The following TYW1 variants were observed in gnomAD, a reference collection of about 807,000 sequenced individuals.
TYW1 encodes the protein S-adenosyl-L-methionine-dependent tRNA 4-demethylwyosine synthase TYW1.
A neutral mutation model predicts 96.2 loss-of-function variants in TYW1; 46 were observed. The observed-to-expected ratio is 0.48, with a 90% confidence interval of 0.38 to 0.61. TYW1 has a LOEUF of 0.61. Among genes scored for constraint, TYW1 ranks in the 20% least tolerant of loss-of-function variants. The pLI, the probability that TYW1 is intolerant of heterozygous loss-of-function variation, is 0.00. For synonymous variants in TYW1, 274 were observed against 323.0 expected, an observed-to-expected ratio of 0.85 and a Z score of 1.63; for missense variants, 684 against 909.6, an observed-to-expected ratio of 0.75 and a Z score of 3.19.
At chr7:67,062,492 C>A (rs1795723922) in intron 9 of TYW1, among the ~76,000 whole-genome samples, 1 of 150,290 alleles carries the variant, frequency 6.7e-6, no homozygotes. Flanking sequence ...TCTGCAATCA[C>A]CCAGATGTAG....
Position 67,083,279 on chromosome 7 carries a change from T to C in TYW1, c.1275-151T>C, listed in dbSNP as rs1047149548. 10 of 660,608 alleles carry C rather than the reference T, an allele frequency of 1.5e-5. No individual in the cohort carries two copies. The African/African-American group carries it at 1.8e-4, about 12-fold the overall frequency. 40.9% of individuals were successfully genotyped at this position (660,608 alleles called of 1,614,324 possible). A position where few individuals can be genotyped will look rare whatever the true frequency, so the allele number is the denominator to read the frequency against. On this transcript the variant is annotated intron_variant, in intron 10 of 15. Coordinates refer to ENST00000359626, the MANE Select transcript of TYW1 (RefSeq NM_018264.4). ...CTCTGTTGGGTGTCATGATTTAAAATAAGTTGGAAAATACCACTATACATG... is the reference window on the plus strand; with the variant it reads ...CTCTGTTGGGTGTCATGATTTAAAACAAGTTGGAAAATACCACTATACATG...
At position 67,113,389 on chromosome 7, in the gene TYW1, C is replaced by G. The variant is rs376139657; in HGVS notation, c.1563-4094C>G. ...TAAGTTCAGAATTTCTTCCTGAGGA[C>G]TTGTTGTTTTGGCTTCTCTTAGGAC... is the stretch of plus-strand genomic sequence containing the variant. On this transcript the variant is annotated intron_variant, in intron 12 of 15. Transcript: ENST00000359626. 5.6e-4 allele frequency among the ~76,000 whole-genome samples: 86 copies of G among 152,308 alleles called. 1 individual carries two copies. The highest frequency in any genetic ancestry group is 4.3e-3 in the South Asian group (21 of 4,832).
intron 15 of TYW1, among the ~76,000 whole-genome samples, chr7:67,228,238 A>T (rs769616577): frequency 9.2e-5 from 14 of 152,234 alleles, no homozygotes; most frequent in Non-Finnish European, 2.1e-4. Context: ...ATGGACTCAC[A>T]GTTCACGTGG....
rs182109305 is a variant in TYW1 at position 67,129,225 on chromosome 7, C to T, written c.1698+11607C>T. Among the ~76,000 whole-genome samples, 130 of 152,338 alleles carry T rather than the reference C, an allele frequency of 8.5e-4. 2 individuals are homozygous for T. In the East Asian group the frequency reaches 0.022, roughly 26 times the overall value. On this transcript the variant is annotated intron_variant, in intron 13 of 15. Coordinates refer to ENST00000359626, the MANE Select transcript of TYW1 (RefSeq NM_018264.4). ...CTGGTTAAATCGTTTCTCCTGGGAG[C>T]AGACCTTGTTATCAACAGAATGCTC...
chr7:67,128,877 CG>C (rs1797982967), intron 13 of TYW1, among the ~76,000 whole-genome samples: 2 of 152,052 alleles, frequency 1.3e-5, no homozygotes, highest in Non-Finnish European at 2.9e-5. Flanking sequence ...TTACTAGATA[CG>C]GGGTTTTACC....
At chr7:67,106,018 C>T (rs1033591547) in intron 12 of TYW1, among the ~76,000 whole-genome samples, 1 of 151,146 alleles carries the variant, frequency 6.6e-6, no homozygotes, top group Admixed American at 6.6e-5. Context: ...CTGCCTCAGC[C>T]TCCCAGGTAG....
intron 13 of TYW1, among the ~76,000 whole-genome samples, chr7:67,158,721 C>T (rs965182145): frequency 6.6e-6 from 1 of 152,128 alleles, no homozygotes; most frequent in East Asian, 1.9e-4. Context: ...AGGTGCTCGC[C>T]ACCACGCCTG....
chr7:67,025,861 G>A (rs1436790207), intron 7 of TYW1, among the ~76,000 whole-genome samples: 2 of 151,336 alleles, frequency 1.3e-5, no homozygotes, highest in African/African-American at 4.9e-5. Flanking sequence ...TAGTCCATAA[G>A]CCTTAAAAAA....
intron 13 of TYW1, among the ~76,000 whole-genome samples, chr7:67,143,610 C>G (rs1250227202): frequency 6.6e-6 from 1 of 152,090 alleles, no homozygotes; most frequent in Non-Finnish European, 1.5e-5. Flanking sequence ...CAGTTCAGTT[C>G]CACCAGAGTC....
intron 13 of TYW1, among the ~76,000 whole-genome samples, chr7:67,131,122 T>C (rs529856971): frequency 7.9e-5 from 12 of 152,062 alleles, no homozygotes; most frequent in African/African-American, 2.7e-4. Flanking sequence ...ATTGAAAGCT[T>C]GGGTCTCTGA....
At chr7:67,215,760 C>T (rs1477646044) in intron 15 of TYW1, among the ~76,000 whole-genome samples, 2 of 152,062 alleles carry the variant, frequency 1.3e-5, no homozygotes, top group Admixed American at 6.6e-5. Context: ...GAGTCCCAAA[C>T]CTGAAGAACT....
intron 13 of TYW1, among the ~76,000 whole-genome samples, chr7:67,152,103 G>T (rs1348148502): frequency 6.6e-6 from 1 of 152,044 alleles, no homozygotes; most frequent in Non-Finnish European, 1.5e-5. Flanking sequence ...GAGCTGCCAC[G>T]CCTGGTCACC....
Position 67,071,851 on chromosome 7 carries a change from G to C in TYW1, c.1274+4448G>C, listed in dbSNP as rs920998754. Among the ~76,000 whole-genome samples, 3 of 151,956 alleles carry C rather than the reference G, an allele frequency of 2.0e-5. No homozygotes were observed. The East Asian group carries it at 5.8e-4, about 29-fold the overall frequency. ...TAGCCAGACTGGTCTCAAACTCCTG[G>C]CCTCAAGTGATCCACCCGCCTTGGC... On this transcript the variant is annotated intron_variant, in intron 10 of 15. Coordinates refer to ENST00000359626, the MANE Select transcript of TYW1 (RefSeq NM_018264.4).
At chr7:67,192,260 G>A (rs1584677802) in intron 14 of TYW1, among the ~76,000 whole-genome samples, 1 of 152,288 alleles carries the variant, frequency 6.6e-6, no homozygotes, top group Middle Eastern at 3.4e-3. Flanking sequence ...AAGCATCATA[G>A]AGTCATAAGG....
chr7:67,065,604 T>A (rs201929304), intron 9 of TYW1, among the ~76,000 whole-genome samples: 6,070 of 152,214 alleles, frequency 0.04, 178 homozygotes, highest in Middle Eastern at 0.1. Context: ...CCTTCACACC[T>A]TTTTTTCAAA....
intron 10 of TYW1, among the ~76,000 whole-genome samples, chr7:67,081,376 C>G (rs1796388622): frequency 6.7e-6 from 1 of 150,078 alleles, no homozygotes; most frequent in South Asian, 2.1e-4. Context: ...TTCTCTTTGT[C>G]ATTGTCTTTT....
intron 10 of TYW1, among the ~76,000 whole-genome samples, chr7:67,079,842 T>G (rs2115749733): frequency 6.6e-6 from 1 of 152,340 alleles, no homozygotes; most frequent in South Asian, 2.1e-4. Context: ...GCTTTCTTCA[T>G]TGACTCATTG....
chr7:67,211,033 C>T (rs577568788), intron 15 of TYW1, among the ~76,000 whole-genome samples: 2 of 151,264 alleles, frequency 1.3e-5, no homozygotes, highest in East Asian at 3.9e-4. Flanking sequence ...TTATTTTTTA[C>T]CTAGGGTTAT....
At chr7:67,139,730 T>TGTG (rs766003718) in intron 13 of TYW1, among the ~76,000 whole-genome samples, 3 of 50,998 alleles carry the variant, frequency 5.9e-5, no homozygotes, top group Non-Finnish European at 1.3e-4. Context: ...TGTATACAGG[T>TGTG]GTGTGTGTGT....
Sources: gnomAD v4.1 joint callset for allele counts (sites outside exome capture counted in the v4.1 genomes callset) on GRCh38, gnomAD v4.1.1 for gene constraint, MANE v1.5 for transcripts, NCBI Gene and HGNC (gene_info 2026-07-23, HGNC 2026-07-21) for gene names.